UGT2A1: variants seen among roughly 807,000 people sequenced by gnomAD.
UGT2A1 encodes UDP glucuronosyltransferase family 2 member A1 complex locus, also known as UDP-glucuronosyltransferase 2A1.
A neutral mutation model predicts 45.4 loss-of-function variants in UGT2A1; 61 were observed. The observed-to-expected ratio is 1.34, with a 90% CI of 1.09 to 1.66. UGT2A1 has a LOEUF of 1.66. Ranked by LOEUF, UGT2A1 falls within the 40% of genes most tolerant of loss-of-function variation. UGT2A1 has a pLI of 0.00. For synonymous variants in UGT2A1, 229 were observed against 196.2 expected, an observed-to-expected ratio of 1.17 and a Z score of -1.40; for missense variants, 649 against 574.3, an observed-to-expected ratio of 1.13 and a Z score of -1.33.
rs1169092570 is a variant in UGT2A1 at position 69,599,406 on chromosome 4, G to A, written c.848-12C>T. On this transcript the variant is annotated splice_polypyrimidine_tract_variant and intron_variant, in intron 3 of 6. Coordinates refer to ENST00000286604, the MANE Select transcript of UGT2A1 (RefSeq NM_001252275.3). Reference sequence around the variant, plus strand: ...CGTAGTGGGTCTTCCTGGAGAAAATGTAACAAGTTGGATGGAGGAAATTAG... The same window carrying A: ...CGTAGTGGGTCTTCCTGGAGAAAATATAACAAGTTGGATGGAGGAAATTAG... 2 of 1,611,516 alleles carry A rather than the reference G, an allele frequency of 1.2e-6. No homozygotes were observed. Among genetic ancestry groups the A allele is most frequent in the Non-Finnish European group, 1.7e-6 (2 of 1,179,380 alleles).
chr4:69,604,483 C>A lies in UGT2A1; in HGVS notation c.848-5089G>T, dbSNP rs1192866555. ...GCAAAAACATGCCACATTGTACAGA[C>A]CATCGAGGCTAGGAAGAAACTGCAT... On this transcript the variant is annotated intron_variant, in intron 3 of 6. Transcript: ENST00000286604. Among the ~76,000 whole-genome samples, 3 of 136,656 alleles carry A rather than the reference C, an allele frequency of 2.2e-5. 1 individual carries two copies. The South Asian group carries it at 7.3e-4, about 33-fold the overall frequency. 89.7% of individuals were successfully genotyped at this position (136,656 alleles called of 152,430 possible).
chr4:69,599,983 G>T (rs532886495), intron 3 of UGT2A1, among the ~76,000 whole-genome samples: 1 of 152,138 alleles, frequency 6.6e-6, no homozygotes, highest in East Asian at 1.9e-4. Context: ...CACTTGAAAA[G>T]ACAATATAGT....
chr4:69,632,723 A>G (rs1410245132), intron 3 of UGT2A1, among the ~76,000 whole-genome samples: 1 of 151,972 alleles, frequency 6.6e-6, no homozygotes, highest in African/African-American at 2.4e-5. Context: ...CCCTGTCTCT[A>G]TTAAAAATAC....
At chr4:69,637,768 C>A (rs1049694875) in intron 2 of UGT2A1, among the ~76,000 whole-genome samples, 1 of 152,060 alleles carries the variant, frequency 6.6e-6, no homozygotes, top group Non-Finnish European at 1.5e-5. Flanking sequence ...AGAATTTGAT[C>A]TGTTTTGCTT....
intron 3 of UGT2A1, among the ~76,000 whole-genome samples, chr4:69,617,362 C>T (rs371596980): frequency 2.6e-5 from 4 of 151,746 alleles, no homozygotes; most frequent in Admixed American, 6.6e-5. Context: ...ATTTTGTTGA[C>T]GGCGTAAAAA....
intron 3 of UGT2A1, among the ~76,000 whole-genome samples, chr4:69,626,984 T>C (rs1172031952): frequency 6.6e-6 from 1 of 151,834 alleles, no homozygotes; most frequent in Admixed American, 6.6e-5. Context: ...AAACTTAAAA[T>C]TAAACACTTC....
Position 69,647,463 on chromosome 4 carries a change from A to G in UGT2A1, c.182T>C (p.Ile61Thr). Residue 61 changes from isoleucine to threonine, a missense_variant, in exon 2 of 7, where the codon ATC (isoleucine) becomes ACC (threonine). By Grantham distance (89) the Ile-to-Thr change is moderately conservative (BLOSUM62 -1). Coordinates refer to ENST00000286604, the MANE Select transcript of UGT2A1 (RefSeq NM_001252275.3). ...CAGAGATGGGTTAGAGGTTGGTGTG[A>G]TGAAAAGTGCACCAGAGGCAACTAG... ...TVLVASGALF[I>T]TPTSNPSLTF... 1 of 1,613,072 alleles carries G rather than the reference A, an allele frequency of 6.2e-7. No individual in the cohort carries two copies. Among genetic ancestry groups the G allele is most frequent in the Non-Finnish European group, 8.5e-7 (1 of 1,179,400 alleles).
Position 69,651,388 on chromosome 4 carries a change from TAC to T in UGT2A1, c.-55+1798_-55+1799del, listed in dbSNP as rs1409653702. Among the ~76,000 whole-genome samples, 14 of 152,258 alleles carry T rather than the reference TAC, an allele frequency of 9.2e-5. No individual in the cohort carries two copies. In the South Asian group the frequency reaches 2.9e-3, roughly 32 times the overall value. ...TATGTCATAAATATATACCTATATA[TAC>T]TATGTGCACATAAAATTAAAAATAA... On this transcript the variant is annotated intron_variant, in intron 1 of 6. Transcript: ENST00000286604.
intron 4 of UGT2A1, 118 bp from the exon 5 acceptor site, chr4:69,595,367 G>A (rs1718861658): frequency 8.3e-7 from 1 of 1,204,434 alleles, no homozygotes; most frequent in South Asian, 1.4e-5. Flanking sequence ...TACATAAGCA[G>A]TAGTTTACAA....
At chr4:69,594,435 G>A (rs368036764) in intron 6 of UGT2A1, 42 bp downstream of exon 6, 374 of 1,600,568 alleles carry the variant, frequency 2.3e-4, no homozygotes, top group Non-Finnish European at 3.1e-4. Flanking sequence ...TATGAATAAT[G>A]TAATTAAAGT....
chr4:69,614,019 A>G (rs900449685), intron 3 of UGT2A1, among the ~76,000 whole-genome samples: 1 of 152,072 alleles, frequency 6.6e-6, no homozygotes, highest in Non-Finnish European at 1.5e-5. Context: ...TTCAAATTAT[A>G]AAGAAAATAA....
intron 4 of UGT2A1, among the ~76,000 whole-genome samples, chr4:69,597,608 T>C (rs1719006054): frequency 6.6e-6 from 1 of 152,142 alleles, no homozygotes; most frequent in Non-Finnish European, 1.5e-5. Context: ...TGAAAATAGA[T>C]TGCTATTTTT....
intron 6 of UGT2A1, among the ~76,000 whole-genome samples, chr4:69,590,424 G>T (rs1718521426): frequency 6.6e-6 from 1 of 152,158 alleles, no homozygotes; most frequent in East Asian, 1.9e-4. Context: ...TTCCCTAGTT[G>T]TTAAACCAAA....
chr4:69,613,303 A>G (rs533323469), intron 3 of UGT2A1, among the ~76,000 whole-genome samples: 2 of 152,084 alleles, frequency 1.3e-5, no homozygotes, highest in Admixed American at 1.3e-4. Flanking sequence ...CAAAACCTGA[A>G]CGAGGCATTA....
At chr4:69,614,348 T>C (rs1720245715) in intron 3 of UGT2A1, among the ~76,000 whole-genome samples, 1 of 152,062 alleles carries the variant, frequency 6.6e-6, no homozygotes, top group South Asian at 2.1e-4. Flanking sequence ...AAATGTTTTC[T>C]GTTCATAGAA....
intron 6 of UGT2A1, among the ~76,000 whole-genome samples, chr4:69,592,013 C>A (rs1311682819): frequency 2.0e-5 from 3 of 152,042 alleles, no homozygotes; most frequent in Admixed American, 6.6e-5. Context: ...GGATGGGGAG[C>A]AAAAGTGGAC....
chr4:69,619,946 G>A (rs1720646454), intron 3 of UGT2A1, among the ~76,000 whole-genome samples: 1 of 151,268 alleles, frequency 6.6e-6, no homozygotes, highest in African/African-American at 2.4e-5. Context: ...ATACCTTTAT[G>A]CAAAAACTCA....
At chr4:69,612,834 T>C (rs1379337449) in intron 3 of UGT2A1, among the ~76,000 whole-genome samples, 1 of 150,346 alleles carries the variant, frequency 6.7e-6, no homozygotes, top group Non-Finnish European at 1.5e-5. Context: ...AACTTTTGGC[T>C]AAGTCCTCAA....
chr4:69,645,978 G>T (rs1722241998), intron 2 of UGT2A1, among the ~76,000 whole-genome samples: 1 of 151,648 alleles, frequency 6.6e-6, no homozygotes, highest in Admixed American at 6.6e-5. Flanking sequence ...ATATCCTTAT[G>T]CATTATCTGA....
Sources: allele counts gnomAD v4.1 joint callset (sites outside exome capture counted in the v4.1 genomes callset), GRCh38; gene constraint gnomAD v4.1.1; transcripts MANE v1.5; gene names NCBI Gene and HGNC (gene_info 2026-07-23, HGNC 2026-07-21).